TRAF6: variants seen among roughly 807,000 people sequenced by gnomAD.
TRAF6 encodes TNF receptor associated factor 6, also known as TNF receptor-associated factor 6.
TRAF6 carries 10 observed loss-of-function variants against 48.4 expected under a neutral mutation model. That is an observed-to-expected ratio of 0.21 (90% CI 0.13 to 0.35). The LOEUF (loss-of-function observed/expected upper bound fraction) is 0.35, where lower values mean the gene tolerates loss of function less well. Ranked by LOEUF, TRAF6 falls within the 10% of genes least tolerant of loss-of-function variation. The pLI, the probability that TRAF6 is intolerant of heterozygous loss-of-function variation, is 1.00. For missense variants in TRAF6, 397 were observed against 661.0 expected (o/e 0.60, Z 4.38); for synonymous variants, 186 against 219.6 (o/e 0.85, Z 1.35).
At chr11:36,508,370 T>C (rs949812683) in intron 1 of TRAF6, among the ~76,000 whole-genome samples, 4 of 151,980 alleles carry the variant, frequency 2.6e-5, no homozygotes, top group Admixed American at 1.3e-4. Context: ...ATGAGTAGTA[T>C]TGAAAGCAGC....
At chr11:36,502,477 GA>G (rs1302865537) in intron 1 of TRAF6, among the ~76,000 whole-genome samples, 1 of 151,836 alleles carries the variant, frequency 6.6e-6, no homozygotes, top group Non-Finnish European at 1.5e-5. Context: ...AATTACTTTT[GA>G]AAAAAATTTC....
rs754322996 is a variant in TRAF6 at position 36,492,645 on chromosome 11, A to G, written c.679-17T>C. On this transcript the variant is annotated splice_polypyrimidine_tract_variant and intron_variant, in intron 5 of 6. Transcript: ENST00000526995. ...ATTAGGCATCTGAAATCCAAAACAA[A>G]GGCTGAAAAATCTCTTCCTTGCATA... is the stretch of plus-strand genomic sequence containing the variant. 6.3e-7 allele frequency: 1 copy of G among 1,584,184 alleles called. No individual in the cohort carries two copies. Among genetic ancestry groups the G allele is most frequent in the Non-Finnish European group, 8.6e-7 (1 of 1,161,658 alleles).
intron 4 of TRAF6, among the ~76,000 whole-genome samples, chr11:36,496,013 T>C (rs760655153): frequency 5.9e-5 from 9 of 152,216 alleles, no homozygotes; most frequent in Non-Finnish European, 1.0e-4. Context: ...GGATAAAATA[T>C]GCTTGATCTC....
At chr11:36,501,179 G>C (rs777763080) in intron 2 of TRAF6, 41 bp downstream of exon 2, 2 of 1,491,010 alleles carry the variant, frequency 1.3e-6, no homozygotes, top group South Asian at 1.3e-5. Flanking sequence ...CTCTGCATCT[G>C]GTTCTGTTAT....
intron 1 of TRAF6, among the ~76,000 whole-genome samples, chr11:36,509,206 A>T (rs1859859678): frequency 6.6e-6 from 1 of 152,240 alleles, no homozygotes; most frequent in Non-Finnish European, 1.5e-5. Context: ...ATTCAGTAAT[A>T]GTAATCTGCT....
Position 36,502,763 on chromosome 11 carries a change from G to C in TRAF6, c.-22-1226C>G, listed in dbSNP as rs190767576. Reference sequence around the variant, plus strand: ...CTCAGGTGCTGGAATTGAATGATACGAATTTAACTCTTTTCTTCCATTTAT... The same window carrying C: ...CTCAGGTGCTGGAATTGAATGATACCAATTTAACTCTTTTCTTCCATTTAT... On this transcript the variant is annotated intron_variant, in intron 1 of 6. Transcript: ENST00000526995. 1.7e-4 allele frequency among the ~76,000 whole-genome samples: 26 copies of C among 152,206 alleles called. No homozygotes were observed. In the East Asian group the frequency reaches 3.7e-3, roughly 22 times the overall value.
In TRAF6 at chr11:36,490,727, A is replaced by G. The variant is rs1859552392; in HGVS notation, c.757-77T>C. 7.4e-7 allele frequency: 1 copy of G among 1,357,702 alleles called. No individual in the cohort carries two copies. The highest frequency in any genetic ancestry group is 2.3e-5 in the Admixed American group (1 of 43,374). 84.1% of individuals were successfully genotyped at this position (1,357,702 alleles called of 1,614,324 possible). The stretch of plus-strand genomic sequence containing the variant: ...GAAAAGGACCTGGCCAGGTCAAATA[A>G]GAAGTTTTCAAGTAGTCACACCACT... On this transcript the variant is annotated intron_variant, in intron 6 of 6. Transcript: ENST00000526995. This position sits in a 1 kb window ranked among gnomAD's most constrained non-coding sequence, Gnocchi z 6.4.
rs1057000728 is a variant in TRAF6 at position 36,486,769 on chromosome 11, T to C, written c.*3069A>G. Among the ~76,000 whole-genome samples, 2 of 152,176 alleles carry C rather than the reference T, an allele frequency of 1.3e-5. No individual in the cohort carries two copies. The highest frequency in any genetic ancestry group is 2.4e-5 in the African/African-American group (1 of 41,400). ...AGACTTGTTTGCCAACAGCAAAATGTATGACGTGCAGCAAGTTTCATCCAA... is the reference window on the plus strand; with the variant it reads ...AGACTTGTTTGCCAACAGCAAAATGCATGACGTGCAGCAAGTTTCATCCAA... On this transcript the variant is annotated 3_prime_UTR_variant, in exon 7 of 7. Transcript: ENST00000526995.
chr11:36,491,460 C>A (rs975041480), intron 6 of TRAF6, among the ~76,000 whole-genome samples: 3 of 152,228 alleles, frequency 2.0e-5, no homozygotes, highest in Non-Finnish European at 1.5e-5. Flanking sequence ...TACAACCATA[C>A]CATTTTGCTC....
intron 1 of TRAF6, among the ~76,000 whole-genome samples, chr11:36,502,723 A>G (rs965497213): frequency 2.0e-5 from 3 of 152,164 alleles, no homozygotes; most frequent in African/African-American, 4.8e-5. Flanking sequence ...CGCAGTGCTA[A>G]TAAGTGGTGA....
chr11:36,499,516 A>G (rs1207885698), intron 2 of TRAF6, among the ~76,000 whole-genome samples: 1 of 152,140 alleles, frequency 6.6e-6, no homozygotes, highest in African/African-American at 2.4e-5. Context: ...GCTGCTGAAG[A>G]TTAGCTACCT....
In TRAF6 at chr11:36,488,394, A is replaced by C. The variant is rs1292193120; in HGVS notation, c.*1444T>G. ...TGAAAACCACACTCCCCTGCAGATG[A>C]GGTCCTTGGCTTTCTCTTGAAATTA... On this transcript the variant is annotated 3_prime_UTR_variant, in exon 7 of 7. Coordinates refer to ENST00000526995, the MANE Select transcript of TRAF6 (RefSeq NM_004620.4). The C allele has an allele frequency of 6.5e-6, 1 of 152,846 alleles. No individual in the cohort carries two copies. Among genetic ancestry groups the C allele is most frequent in the African/African-American group, 2.4e-5 (1 of 41,430 alleles). The allele number at this position is 152,846 out of a possible 1,614,324, so 9.5% of individuals were successfully genotyped here.
At chr11:36,504,039 A>G (rs928905846) in intron 1 of TRAF6, among the ~76,000 whole-genome samples, 6 of 152,318 alleles carry the variant, frequency 3.9e-5, no homozygotes, top group Non-Finnish European at 5.9e-5. Flanking sequence ...AAAACACCTT[A>G]TTGCTAAAAA....
rs558642076 is a variant in TRAF6 at position 36,510,106 on chromosome 11, A to C, written c.-81T>G. On this transcript the variant is annotated 5_prime_UTR_variant, in exon 1 of 7. Coordinates refer to ENST00000526995, the MANE Select transcript of TRAF6 (RefSeq NM_004620.4). Reference sequence around the variant, plus strand: ...GCAGGGCTCCCCCACCAACCGCACGACTCCGCTCAGCCAAGGCGCTGGTAG... The same window carrying C: ...GCAGGGCTCCCCCACCAACCGCACGCCTCCGCTCAGCCAAGGCGCTGGTAG... The C allele has an allele frequency of 6.6e-6, 1 of 151,890 alleles. No individual in the cohort carries two copies. The highest frequency in any genetic ancestry group is 2.0e-4 in the East Asian group (1 of 5,118). The allele number at this position is 151,890 out of a possible 1,614,324, so 9.4% of individuals were successfully genotyped here.
intron 1 of TRAF6, among the ~76,000 whole-genome samples, chr11:36,505,099 A>C (rs755852487): frequency 6.6e-6 from 1 of 152,228 alleles, no homozygotes; most frequent in Non-Finnish European, 1.5e-5. Context: ...TCAAAAGTGT[A>C]AATGAGCACT....
At position 36,489,236 on chromosome 11, in the gene TRAF6, G is replaced by T. The variant is rs912546047; in HGVS notation, c.*602C>A. ...CTAAATAATTAAGGTTATATTTAGG[G>T]TTTAAACTCATCCCTGAATATCCTT... On this transcript the variant is annotated 3_prime_UTR_variant, in exon 7 of 7. Coordinates refer to ENST00000526995, the MANE Select transcript of TRAF6 (RefSeq NM_004620.4). 1 of 153,098 alleles carries T rather than the reference G, an allele frequency of 6.5e-6. No individual in the cohort carries two copies. 9.5% of individuals were successfully genotyped at this position (153,098 alleles called of 1,614,324 possible).
At chr11:36,504,117 T>C (rs1327445244) in intron 1 of TRAF6, among the ~76,000 whole-genome samples, 1 of 152,180 alleles carries the variant, frequency 6.6e-6, no homozygotes, top group Admixed American at 6.5e-5. Context: ...CCTGCGTCAA[T>C]GTTGATGGCT....
chr11:36,492,141 A>G (rs541981460), intron 6 of TRAF6, among the ~76,000 whole-genome samples: 23 of 152,324 alleles, frequency 1.5e-4, no homozygotes, highest in African/African-American at 5.5e-4. Context: ...CCATAATTCA[A>G]GCTGTCTTCA....
intron 1 of TRAF6, among the ~76,000 whole-genome samples, chr11:36,502,408 C>T (rs985642418): frequency 1.3e-5 from 2 of 151,916 alleles, no homozygotes; most frequent in African/African-American, 4.8e-5. Flanking sequence ...TATTTACAGG[C>T]GAGAAGCTAA....
Sources: gnomAD v4.1 joint callset for allele counts (sites outside exome capture counted in the v4.1 genomes callset) on GRCh38, gnomAD v4.1.1 for gene constraint, Gnocchi (gnomAD v3.1) non-coding constraint, MANE v1.5 for transcripts, NCBI Gene and HGNC (gene_info 2026-07-23, HGNC 2026-07-21) for gene names.